The following RSPO3 variants were observed in gnomAD, a reference collection of about 807,000 sequenced individuals.
The protein encoded by RSPO3 is R-spondin 3, also known as R-spondin-3.
In RSPO3, 17 loss-of-function variants were observed where a neutral mutation model predicts 36.5. The ratio of observed to expected loss-of-function variants is 0.47; its 90% confidence interval spans 0.32 to 0.70. RSPO3 has a LOEUF of 0.70. Among genes scored for constraint, RSPO3 ranks in the 30% least tolerant of loss-of-function variants. RSPO3 has a pLI of 0.04. For synonymous variants in RSPO3, 108 were observed against 107.0 expected (o/e 1.01, Z -0.06); for missense variants, 294 against 322.5 (o/e 0.91, Z 0.68).
chr6:127,139,081 G>T (rs1319716287), intron 1 of RSPO3, among the ~76,000 whole-genome samples: 3 of 151,828 alleles, frequency 2.0e-5, no homozygotes, highest in Non-Finnish European at 4.4e-5. Flanking sequence ...AGCAATTGGA[G>T]CCATGCACAT....
intron 1 of RSPO3, among the ~76,000 whole-genome samples, chr6:127,145,570 G>T (rs556523904): frequency 6.6e-6 from 1 of 152,018 alleles, no homozygotes; most frequent in Non-Finnish European, 1.5e-5. Flanking sequence ...TGCACCAGTT[G>T]CATCAAACTC....
chr6:127,138,808 A>G (rs1405692703), intron 1 of RSPO3, among the ~76,000 whole-genome samples: 1 of 152,194 alleles, frequency 6.6e-6, no homozygotes, highest in African/African-American at 2.4e-5. Context: ...CACTGTGTGG[A>G]TGTTGAATAA....
intron 4 of RSPO3, among the ~76,000 whole-genome samples, chr6:127,157,404 TC>T (rs1774614855): frequency 6.6e-6 from 1 of 151,170 alleles, no homozygotes; most frequent in Non-Finnish European, 1.5e-5. Context: ...GAGAATGTGA[TC>T]TTTCAATAGA....
chr6:127,152,074 G>A (rs1056831335), intron 3 of RSPO3, among the ~76,000 whole-genome samples: 1 of 152,126 alleles, frequency 6.6e-6, no homozygotes, highest in African/African-American at 2.4e-5. Flanking sequence ...ATGCTTTTCT[G>A]TCAGGGAGAT....
At chr6:127,139,553 T>A (rs1444320198) in intron 1 of RSPO3, among the ~76,000 whole-genome samples, 1 of 151,274 alleles carries the variant, frequency 6.6e-6, no homozygotes, top group Non-Finnish European at 1.5e-5. Context: ...ATCTTTTTTT[T>A]AAGGTTAGAA....
intron 1 of RSPO3, among the ~76,000 whole-genome samples, chr6:127,136,776 T>C (rs993896518): frequency 2.0e-5 from 3 of 152,224 alleles, no homozygotes; most frequent in Non-Finnish European, 4.4e-5. Flanking sequence ...ACAGTTCTCA[T>C]ATATCTACCC....
chr6:127,151,283 G>A (rs1774485959), intron 3 of RSPO3, among the ~76,000 whole-genome samples: 1 of 151,970 alleles, frequency 6.6e-6, no homozygotes, highest in Non-Finnish European at 1.5e-5. Flanking sequence ...TCCTGAAGGG[G>A]AGGTCCCTCA....
At chr6:127,185,103 A>C (rs568291545) in intron 4 of RSPO3, among the ~76,000 whole-genome samples, 1 of 152,010 alleles carries the variant, frequency 6.6e-6, no homozygotes, top group African/African-American at 2.4e-5. Context: ...AGATTAGTTA[A>C]CACTTAACCT....
intron 4 of RSPO3, among the ~76,000 whole-genome samples, chr6:127,159,312 C>CA (rs1774658651): frequency 6.6e-6 from 1 of 151,822 alleles, no homozygotes; most frequent in South Asian, 2.1e-4. Flanking sequence ...GTTAGTTTTA[C>CA]AAAAAAGATT....
intron 4 of RSPO3, among the ~76,000 whole-genome samples, chr6:127,177,469 G>T (rs565311139): frequency 6.6e-6 from 1 of 151,780 alleles, no homozygotes; most frequent in Non-Finnish European, 1.5e-5. Flanking sequence ...TTGCCCTGTT[G>T]GGAAGACAAC....
chr6:127,135,137 A>T (rs758377687), intron 1 of RSPO3, among the ~76,000 whole-genome samples: 1 of 152,166 alleles, frequency 6.6e-6, no homozygotes, highest in Non-Finnish European at 1.5e-5. Flanking sequence ...GATTGCAACT[A>T]TTGGCCAGGT....
intron 4 of RSPO3, among the ~76,000 whole-genome samples, chr6:127,180,642 G>T: frequency 6.6e-6 from 1 of 151,596 alleles, no homozygotes; most frequent in East Asian, 1.9e-4. Flanking sequence ...GCCTTGAGTG[G>T]GTTAACAACT....
At chr6:127,170,234 T>G (rs1250914846) in intron 4 of RSPO3, among the ~76,000 whole-genome samples, 3 of 151,724 alleles carry the variant, frequency 2.0e-5, no homozygotes, top group East Asian at 3.9e-4. Context: ...AGAAAAAAAT[T>G]GTTTTAAAAT....
At chr6:127,181,264 A>T (rs1775181208) in intron 4 of RSPO3, among the ~76,000 whole-genome samples, 1 of 151,894 alleles carries the variant, frequency 6.6e-6, no homozygotes, top group African/African-American at 2.4e-5. Flanking sequence ...TGAATGATGT[A>T]TGTAGGTAAG....
chr6:127,145,390 A>C (rs1199787723), intron 1 of RSPO3, among the ~76,000 whole-genome samples: 1 of 152,084 alleles, frequency 6.6e-6, no homozygotes, highest in East Asian at 1.9e-4. Flanking sequence ...ACTGCCAGGG[A>C]AATTTCCTTT....
At chr6:127,150,891 T>G (rs1421223084) in intron 3 of RSPO3, among the ~76,000 whole-genome samples, 1 of 151,820 alleles carries the variant, frequency 6.6e-6, no homozygotes, top group Non-Finnish European at 1.5e-5. Flanking sequence ...GAATTTTATT[T>G]AAGTAAACAT....
intron 4 of RSPO3, among the ~76,000 whole-genome samples, chr6:127,181,072 G>C (rs1289544223): frequency 1.3e-5 from 2 of 151,754 alleles, no homozygotes; most frequent in African/African-American, 2.4e-5. Flanking sequence ...ATGAGGTCTT[G>C]AGAGTTTAAG....
chr6:127,179,505 C>T (rs1452990663), intron 4 of RSPO3, among the ~76,000 whole-genome samples: 1 of 151,800 alleles, frequency 6.6e-6, no homozygotes, highest in Non-Finnish European at 1.5e-5. Flanking sequence ...TACTCTAGAA[C>T]ATTTGAATAG....
chr6:127,198,476 A>T lies in RSPO3; in HGVS notation c.*2469A>T, dbSNP rs1416345568. Among the ~76,000 whole-genome samples, 1 of 152,178 alleles carries T rather than the reference A, an allele frequency of 6.6e-6. No individual in the cohort carries two copies. Among genetic ancestry groups the T allele is most frequent in the Non-Finnish European group, 1.5e-5 (1 of 68,038 alleles). ...GGTAAAGTTCCTACACTAGTCACAG[A>T]AGGTGTTAACTTTCTACTCTGATTC... On this transcript the variant is annotated 3_prime_UTR_variant, in exon 5 of 5. Transcript: ENST00000356698.
Sources: gnomAD v4.1 joint callset for allele counts (sites outside exome capture counted in the v4.1 genomes callset) on GRCh38, gnomAD v4.1.1 for gene constraint, MANE v1.5 for transcripts, NCBI Gene and HGNC (gene_info 2026-07-23, HGNC 2026-07-21) for gene names.